Variants in CCBE1 observed in about 807,000 individuals in gnomAD.
CCBE1 encodes collagen and calcium binding EGF domains 1.
A neutral mutation model predicts 50.0 loss-of-function variants in CCBE1; 37 were observed. That is an observed-to-expected ratio of 0.74 (90% confidence interval 0.57 to 0.97). CCBE1 has a LOEUF of 0.97. Among genes scored for constraint, CCBE1 ranks in the 50% least tolerant of loss-of-function variants. The pLI, the probability that CCBE1 is intolerant of heterozygous loss-of-function variation, is 0.00. For synonymous variants in CCBE1, 234 were observed against 203.7 expected, an observed-to-expected ratio of 1.15 and a Z score of -1.27; for missense variants, 538 against 523.8, an observed-to-expected ratio of 1.03 and a Z score of -0.26.
chr18:59,485,852 C>T (rs1402860809), intron 2 of CCBE1, among the ~76,000 whole-genome samples: 3 of 151,688 alleles, frequency 2.0e-5, no homozygotes, highest in Non-Finnish European at 2.9e-5. Flanking sequence ...CCGCCCGCCT[C>T]GGCCTCCCAA....
At chr18:59,695,275 G>T (rs2054790550) in intron 2 of CCBE1, among the ~76,000 whole-genome samples, 1 of 152,172 alleles carries the variant, frequency 6.6e-6, no homozygotes, top group Non-Finnish European at 1.5e-5. Context: ...GAAAGACACG[G>T]CTGGAACCAG....
intron 2 of CCBE1, among the ~76,000 whole-genome samples, chr18:59,665,386 T>C (rs762190736): frequency 4.6e-5 from 7 of 152,216 alleles, no homozygotes; most frequent in Non-Finnish European, 1.0e-4. Context: ...TGGTTGGGAA[T>C]TGTGGTAGAA....
intron 4 of CCBE1, among the ~76,000 whole-genome samples, chr18:59,468,193 G>A (rs923519594): frequency 1.3e-5 from 2 of 152,174 alleles, no homozygotes; most frequent in African/African-American, 4.8e-5. Flanking sequence ...AGGCCAGACT[G>A]AGCAACATAG....
chr18:59,564,946 A>C (rs1200621025), intron 2 of CCBE1, among the ~76,000 whole-genome samples: 1 of 152,252 alleles, frequency 6.6e-6, no homozygotes. Flanking sequence ...CATGAATCTC[A>C]GCTAAAACCC....
intron 2 of CCBE1, among the ~76,000 whole-genome samples, chr18:59,550,672 C>G (rs1261200157): frequency 6.6e-6 from 1 of 152,162 alleles, no homozygotes; most frequent in Non-Finnish European, 1.5e-5. Context: ...AAACCCCAAA[C>G]AGCAGGTGCC....
chr18:59,460,968 T>TA (rs776006255), intron 5 of CCBE1, among the ~76,000 whole-genome samples: 12 of 144,712 alleles, frequency 8.3e-5, no homozygotes, highest in East Asian at 4.0e-4. Context: ...AATAAATAAA[T>TA]AATAAAATAA....
intron 2 of CCBE1, among the ~76,000 whole-genome samples, chr18:59,628,936 C>T (rs1024189562): frequency 2.6e-5 from 4 of 152,198 alleles, no homozygotes; most frequent in African/African-American, 7.2e-5. Flanking sequence ...GTCACCTCTC[C>T]TCTGCTACCT....
intron 3 of CCBE1, among the ~76,000 whole-genome samples, chr18:59,471,439 T>A (rs1912029758): frequency 6.6e-6 from 1 of 152,214 alleles, no homozygotes; most frequent in African/African-American, 2.4e-5. Flanking sequence ...GCCAATACAG[T>A]TATGATGATA....
At chr18:59,469,787 A>G (rs1422117540) in intron 3 of CCBE1, among the ~76,000 whole-genome samples, 180 bp from the exon 4 acceptor site, 3 of 152,220 alleles carry the variant, frequency 2.0e-5, no homozygotes, top group South Asian at 4.1e-4. Context: ...GAGTACTGCA[A>G]TGGGTAACTT....
At chr18:59,563,045 T>C (rs2052765356) in intron 2 of CCBE1, among the ~76,000 whole-genome samples, 1 of 152,236 alleles carries the variant, frequency 6.6e-6, no homozygotes, top group Non-Finnish European at 1.5e-5. Flanking sequence ...TGTTCTCTGA[T>C]GAAATCTGTA....
At chr18:59,577,195 G>T (rs1299248794) in intron 2 of CCBE1, among the ~76,000 whole-genome samples, 1 of 152,194 alleles carries the variant, frequency 6.6e-6, no homozygotes, top group East Asian at 1.9e-4. Context: ...AGAGAGAAAA[G>T]GCTGAGCATT....
intron 3 of CCBE1, among the ~76,000 whole-genome samples, chr18:59,469,964 G>C (rs1568157327): frequency 6.6e-6 from 1 of 152,170 alleles, no homozygotes; most frequent in East Asian, 1.9e-4. Flanking sequence ...AGAGGCAGGT[G>C]ACTCCACCCA....
chr18:59,657,400 A>G (rs931510447), intron 2 of CCBE1, among the ~76,000 whole-genome samples: 3 of 152,250 alleles, frequency 2.0e-5, no homozygotes, highest in African/African-American at 7.2e-5. Context: ...CCGAAGACCA[A>G]CGTCCCTGCC....
intron 2 of CCBE1, among the ~76,000 whole-genome samples, chr18:59,522,026 A>T (rs1032235587): frequency 6.6e-6 from 1 of 152,154 alleles, no homozygotes; most frequent in Non-Finnish European, 1.5e-5. Context: ...CCTTGCTTTA[A>T]TTTGAATTAT....
intron 2 of CCBE1, among the ~76,000 whole-genome samples, chr18:59,519,857 A>G (rs959875210): frequency 4.6e-5 from 7 of 152,206 alleles, no homozygotes; most frequent in Admixed American, 4.6e-4. Flanking sequence ...TATAAGGTGT[A>G]AGGAAGGGGT....
intron 2 of CCBE1, among the ~76,000 whole-genome samples, chr18:59,669,317 T>C (rs1159668647): frequency 1.3e-5 from 2 of 152,218 alleles, no homozygotes; most frequent in Admixed American, 6.5e-5. Context: ...ATGCTAGCTA[T>C]GCCCCGCTAC....
intron 2 of CCBE1, among the ~76,000 whole-genome samples, chr18:59,546,723 C>A (rs964783333): frequency 1.3e-5 from 2 of 152,118 alleles, no homozygotes; most frequent in African/African-American, 4.8e-5. Flanking sequence ...TTAGTCTGTT[C>A]TTTGCATTTT....
chr18:59,537,468 G>A (rs1598990286), intron 2 of CCBE1, among the ~76,000 whole-genome samples: 1 of 152,116 alleles, frequency 6.6e-6, no homozygotes, highest in African/African-American at 2.4e-5. Context: ...GAGACCTGAT[G>A]GTTTTATAAG....
At chr18:59,676,258 G>A (rs1599127250) in intron 2 of CCBE1, among the ~76,000 whole-genome samples, 1 of 152,162 alleles carries the variant, frequency 6.6e-6, no homozygotes, top group South Asian at 2.1e-4. Flanking sequence ...TCTTAATAAG[G>A]AACAGTCTTT....
Sources: allele counts gnomAD v4.1 joint callset (sites outside exome capture counted in the v4.1 genomes callset), GRCh38; gene constraint gnomAD v4.1.1; transcripts MANE v1.5; gene names NCBI Gene and HGNC (gene_info 2026-07-23, HGNC 2026-07-21).